The following CSMD2 variants were observed in gnomAD, a reference collection of about 807,000 sequenced individuals.
CSMD2 encodes the protein CUB and sushi domain-containing protein 2.
Under a neutral mutation model 398.5 loss-of-function variants are expected in CSMD2, and 130 were observed. The ratio of observed to expected loss-of-function variants is 0.33; its 90% CI spans 0.28 to 0.38. CSMD2 has a LOEUF of 0.38. CSMD2 is among the 10% of genes least tolerant of loss of function. The probability of loss-of-function intolerance (pLI) is 1.00; values close to 1 mark genes in which losing one functional copy is unlikely to be tolerated. For missense variants in CSMD2, 3,829 were observed against 4,764.9 expected, an observed-to-expected ratio of 0.80 and a Z score of 5.78; for synonymous variants, 1,828 against 1,908.5, an observed-to-expected ratio of 0.96 and a Z score of 1.10.
At chr1:34,020,576 G>C (rs528420282) in intron 3 of CSMD2, among the ~76,000 whole-genome samples, 3 of 152,322 alleles carry the variant, frequency 2.0e-5, no homozygotes, top group African/African-American at 4.8e-5. Flanking sequence ...GGGTAGGCGA[G>C]TGGGGCAGGC....
rs1638309517 is a variant in CSMD2 at position 33,847,064 on chromosome 1, G to T, written c.921-68C>A. 3 of 1,050,790 alleles carry T rather than the reference G, an allele frequency of 2.9e-6. No homozygotes were observed. In the East Asian group the frequency reaches 8.3e-5, roughly 29 times the overall value. The allele number at this position is 1,050,790 out of a possible 1,614,324, so 65.1% of individuals were successfully genotyped here. On this transcript the variant is annotated intron_variant, in intron 5 of 70. Transcript: ENST00000373381. ...GTGGTATAGGTGTATGAGCATTCAG[G>T]AGTTCCTCCACTTCCCTTGAGTGCC...
intron 25 of CSMD2, among the ~76,000 whole-genome samples, chr1:33,674,369 A>T (rs995707255): frequency 6.6e-6 from 1 of 152,196 alleles, no homozygotes; most frequent in Non-Finnish European, 1.5e-5. Flanking sequence ...GAAGGCCATT[A>T]CATAATGGTA....
intron 25 of CSMD2, among the ~76,000 whole-genome samples, chr1:33,683,129 C>T (rs532804464): frequency 2.0e-5 from 3 of 152,318 alleles, no homozygotes; most frequent in Admixed American, 1.3e-4. Flanking sequence ...AAGGCAAATG[C>T]TGCTATTGTG....
At chr1:33,723,775 C>CTA (rs1285173456) in intron 19 of CSMD2, among the ~76,000 whole-genome samples, 1 of 152,134 alleles carries the variant, frequency 6.6e-6, no homozygotes, top group Non-Finnish European at 1.5e-5. Flanking sequence ...TTCAGAGACA[C>CTA]CTAATAGACT....
chr1:33,578,122 C>T (rs1638426356), intron 48 of CSMD2, among the ~76,000 whole-genome samples: 2 of 152,194 alleles, frequency 1.3e-5, no homozygotes, highest in South Asian at 4.1e-4. Flanking sequence ...GGGGAATGTG[C>T]TGAGACTGAC....
At chr1:34,063,302 A>G (rs1490009445) in intron 2 of CSMD2, among the ~76,000 whole-genome samples, 1 of 152,210 alleles carries the variant, frequency 6.6e-6, no homozygotes, top group Non-Finnish European at 1.5e-5. Context: ...CATTAACACG[A>G]AAGTCCACAG....
At chr1:33,608,008 G>A (rs182577331) in intron 41 of CSMD2, among the ~76,000 whole-genome samples, 201 of 152,322 alleles carry the variant, frequency 1.3e-3, no homozygotes, top group African/African-American at 4.7e-3. Context: ...CTCAGTGGGA[G>A]AGACAGGCCC....
intron 44 of CSMD2, among the ~76,000 whole-genome samples, chr1:33,595,263 T>G (rs1435751105): frequency 6.6e-6 from 1 of 152,170 alleles, no homozygotes; most frequent in Non-Finnish European, 1.5e-5. Flanking sequence ...TGCCAGGGAG[T>G]TGACAGTCCG....
intron 3 of CSMD2, among the ~76,000 whole-genome samples, chr1:33,938,819 T>C (rs1644571632): frequency 6.6e-6 from 1 of 150,870 alleles, no homozygotes; most frequent in Non-Finnish European, 1.5e-5. Context: ...CCCACACTGC[T>C]GGCTTACTTG....
At chr1:33,617,828 C>A (rs1641492948) in intron 37 of CSMD2, among the ~76,000 whole-genome samples, 2 of 152,156 alleles carry the variant, frequency 1.3e-5, no homozygotes, top group Non-Finnish European at 2.9e-5. Context: ...GCTCAACAGA[C>A]CAAAGCTCCT....
intron 24 of CSMD2, among the ~76,000 whole-genome samples, chr1:33,694,953 A>G (rs1645370092): frequency 6.6e-6 from 1 of 152,172 alleles, no homozygotes; most frequent in South Asian, 2.1e-4. Context: ...ACTGTCTAGT[A>G]GAGAAGACAG....
intron 58 of CSMD2, among the ~76,000 whole-genome samples, chr1:33,542,322 A>G (rs1320356500): frequency 6.6e-6 from 1 of 152,186 alleles, no homozygotes; most frequent in Non-Finnish European, 1.5e-5. Flanking sequence ...TGCATCTTTG[A>G]AGTGAAAAGA....
intron 2 of CSMD2, among the ~76,000 whole-genome samples, chr1:34,055,963 A>G (rs896678577): frequency 6.6e-6 from 1 of 152,196 alleles, no homozygotes; most frequent in Admixed American, 6.5e-5. Context: ...TAGCATTCAT[A>G]AGATGTGTAT....
At chr1:33,970,956 T>G (rs564711481) in intron 3 of CSMD2, among the ~76,000 whole-genome samples, 76 of 152,314 alleles carry the variant, frequency 5.0e-4, no homozygotes, top group African/African-American at 1.7e-3. Context: ...AAAATCAGGA[T>G]GATAACAATC....
At chr1:33,968,849 A>G (rs1270988035) in intron 3 of CSMD2, among the ~76,000 whole-genome samples, 1 of 152,244 alleles carries the variant, frequency 6.6e-6, no homozygotes, top group African/African-American at 2.4e-5. Flanking sequence ...TATAACTGTG[A>G]TCGTTGGTAA....
At chr1:33,864,193 T>C in intron 5 of CSMD2, 5 of 1,594,250 alleles carry the variant, frequency 3.1e-6, no homozygotes, top group Non-Finnish European at 4.3e-6. Context: ...CTTACGAACA[T>C]GGGAAAAGAA....
rs1248087780 is a variant in CSMD2, at chr1:33,577,374, C to G, written c.7498G>C (p.Val2500Leu). 1.2e-6 allele frequency: 2 copies of G among 1,614,040 alleles called. No individual in the cohort carries two copies. The highest frequency in any genetic ancestry group is 3.3e-5 in the Admixed American group (2 of 60,006). The change falls in exon 49 of 71, where the codon GTG becomes CTG. Residue 2500 changes from valine to leucine, a missense_variant. Around this residue, in one of 5 missense-constraint regions of CSMD2, gnomAD observed 723 missense variants for 758.6 expected, o/e 0.95. Coordinates refer to ENST00000373381, the MANE Select transcript of CSMD2 (RefSeq NM_001281956.2). ...GTACAGATGGCCATGCTGTGTCCCA[C>G]CAGGCGGTAGCCGGCGTTGCAGCCA... Reference protein sequence around the residue: ...HFGCNAGYRLVGHSMAICTRH... With the variant: ...HFGCNAGYRLLGHSMAICTRH...
At chr1:34,048,026 C>T (rs1487229721) in intron 2 of CSMD2, among the ~76,000 whole-genome samples, 12 of 152,202 alleles carry the variant, frequency 7.9e-5, no homozygotes, top group East Asian at 3.9e-4. Flanking sequence ...AGCCTGAAAA[C>T]CCCTGAGCCA....
At chr1:33,674,711 A>T (rs1644638472) in intron 25 of CSMD2, among the ~76,000 whole-genome samples, 1 of 152,226 alleles carries the variant, frequency 6.6e-6, no homozygotes. Context: ...GTTGGAAGTA[A>T]AGAACTCCTC....
Sources: gnomAD v4.1 joint callset for allele counts (sites outside exome capture counted in the v4.1 genomes callset) on GRCh38, gnomAD v4.1.1 for gene constraint, gnomAD v4.1.1 regional missense constraint, MANE v1.5 for transcripts, NCBI Gene and HGNC (gene_info 2026-07-23, HGNC 2026-07-21) for gene names.